Variants in DSCAM observed in about 807,000 individuals in gnomAD.
The protein encoded by DSCAM is DS cell adhesion molecule.
Under a neutral mutation model 217.7 loss-of-function variants are expected in DSCAM, and 47 were observed. The observed-to-expected ratio is 0.22, with a 90% CI of 0.17 to 0.28. The LOEUF is 0.28. Among genes scored for constraint, DSCAM ranks in the 10% least tolerant of loss-of-function variants. DSCAM has a pLI of 1.00. For missense variants in DSCAM, 2,080 were observed against 2,618.3 expected (o/e 0.79, Z 4.49); for synonymous variants, 1,056 against 1,015.3 (o/e 1.04, Z -0.76).
chr21:40,462,576 A>G (rs2075814625), intron 3 of DSCAM, among the ~76,000 whole-genome samples: 1 of 152,164 alleles, frequency 6.6e-6, no homozygotes, highest in Non-Finnish European at 1.5e-5. Flanking sequence ...TAGGCAGGGG[A>G]GGTGGCAATA....
chr21:40,416,982 G>A (rs1035981619), intron 3 of DSCAM, among the ~76,000 whole-genome samples: 12 of 152,206 alleles, frequency 7.9e-5, no homozygotes, highest in South Asian at 2.1e-4. Flanking sequence ...ACTCTGGAAC[G>A]TGCAATGCTC....
intron 3 of DSCAM, among the ~76,000 whole-genome samples, chr21:40,485,795 T>G (rs1000472930): frequency 6.6e-6 from 1 of 152,150 alleles, no homozygotes; most frequent in Non-Finnish European, 1.5e-5. Context: ...TTTTATATTG[T>G]ATGTTATTAT....
At chr21:40,028,687 A>G (rs35449546) in intron 32 of DSCAM, among the ~76,000 whole-genome samples, 30,349 of 152,176 alleles carry the variant, frequency 0.2, 3,250 homozygotes, top group South Asian at 0.34. Context: ...CGAGTGAGGC[A>G]ATGCCTCGCT....
At chr21:40,100,889 A>G (rs1457351154) in intron 20 of DSCAM, among the ~76,000 whole-genome samples, 5 of 152,206 alleles carry the variant, frequency 3.3e-5, no homozygotes, top group Non-Finnish European at 7.3e-5. Context: ...CGTGTCAGTC[A>G]TCCTAGATTT....
intron 1 of DSCAM, among the ~76,000 whole-genome samples, chr21:40,711,733 GC>G (rs2090782486): frequency 1.3e-5 from 2 of 152,144 alleles, no homozygotes; most frequent in South Asian, 4.1e-4. Context: ...CACAAGCCTG[GC>G]CCCCTCGTGT....
chr21:40,786,489 G>C (rs1181071247), intron 1 of DSCAM, among the ~76,000 whole-genome samples: 1 of 152,088 alleles, frequency 6.6e-6, no homozygotes, highest in African/African-American at 2.4e-5. Flanking sequence ...GAGCCCACCT[G>C]GACCTAATCA....
intron 19 of DSCAM, among the ~76,000 whole-genome samples, chr21:40,126,740 G>A (rs924844565): frequency 6.6e-6 from 1 of 152,270 alleles, no homozygotes; most frequent in Non-Finnish European, 1.5e-5. Flanking sequence ...TGTCACAGCC[G>A]ATCAAGGGAC....
At chr21:40,334,077 G>A (rs1308786468) in intron 8 of DSCAM, among the ~76,000 whole-genome samples, 1 of 152,142 alleles carries the variant, frequency 6.6e-6, no homozygotes, top group Non-Finnish European at 1.5e-5. Flanking sequence ...TCTAATGTGA[G>A]CCTGACTGGG....
At chr21:40,111,582 A>G (rs1176208087) in intron 20 of DSCAM, among the ~76,000 whole-genome samples, 2 of 152,204 alleles carry the variant, frequency 1.3e-5, no homozygotes, top group Admixed American at 6.5e-5. Context: ...CTTTACATGT[A>G]AATGGACTAA....
chr21:40,196,276 C>T (rs1306814643), intron 11 of DSCAM, among the ~76,000 whole-genome samples: 2 of 152,146 alleles, frequency 1.3e-5, no homozygotes, highest in African/African-American at 4.8e-5. Flanking sequence ...CCTCCTGCCG[C>T]TGGGACTGGG....
chr21:40,067,273 A>C (rs1375642906), intron 27 of DSCAM, among the ~76,000 whole-genome samples: 1 of 152,260 alleles, frequency 6.6e-6, no homozygotes, highest in African/African-American at 2.4e-5. Context: ...TTGCAAAGTC[A>C]AAAACTCCTA....
chr21:40,476,242 A>C (rs989093715), intron 3 of DSCAM, among the ~76,000 whole-genome samples: 6 of 152,268 alleles, frequency 3.9e-5, no homozygotes, highest in African/African-American at 1.4e-4. Context: ...AATTTTAGGG[A>C]GATAATATGG....
chr21:40,719,532 T>C (rs2146504260), intron 1 of DSCAM, among the ~76,000 whole-genome samples: 1 of 152,280 alleles, frequency 6.6e-6, no homozygotes. Flanking sequence ...GTTGTAACAG[T>C]CACAAACTGA....
intron 23 of DSCAM, among the ~76,000 whole-genome samples, chr21:40,084,872 T>C (rs757174954): frequency 2.0e-5 from 3 of 152,114 alleles, no homozygotes; most frequent in Non-Finnish European, 4.4e-5. Context: ...TTTAGAAATA[T>C]AGTTCTTTTC....
At chr21:40,347,476 A>T (rs1051624861) in intron 6 of DSCAM, among the ~76,000 whole-genome samples, 194 bp downstream of exon 6, 4 of 152,178 alleles carry the variant, frequency 2.6e-5, no homozygotes, top group African/African-American at 9.7e-5. Flanking sequence ...TCTAATATGA[A>T]ACAATTTTAT....
intron 3 of DSCAM, among the ~76,000 whole-genome samples, chr21:40,683,245 G>A (rs951576391): frequency 6.6e-6 from 1 of 152,194 alleles, no homozygotes; most frequent in African/African-American, 2.4e-5. Flanking sequence ...TAACAGGGAG[G>A]TCAGAGAGAA....
intron 1 of DSCAM, among the ~76,000 whole-genome samples, chr21:40,715,857 GC>G (rs2090836341): frequency 6.6e-6 from 1 of 152,046 alleles, no homozygotes. Flanking sequence ...TTTGAACTAA[GC>G]AAAATTTGGT....
At chr21:40,658,361 C>T (rs113390050) in intron 3 of DSCAM, among the ~76,000 whole-genome samples, 3,531 of 152,294 alleles carry the variant, frequency 0.023, 126 homozygotes, top group African/African-American at 0.069. Context: ...GTCAAGCCCT[C>T]TGGACAAATG....
intron 3 of DSCAM, among the ~76,000 whole-genome samples, chr21:40,521,105 C>T (rs2076355221): frequency 3.9e-5 from 6 of 152,148 alleles, no homozygotes; most frequent in Admixed American, 3.9e-4. Context: ...TGTTTCTCAA[C>T]CGGGGTCATT....
Sources: gnomAD v4.1 joint callset for allele counts (sites outside exome capture counted in the v4.1 genomes callset) on GRCh38, gnomAD v4.1.1 for gene constraint, MANE v1.5 for transcripts, NCBI Gene and HGNC (gene_info 2026-07-23, HGNC 2026-07-21) for gene names.